GPR84: variants seen among roughly 807,000 people sequenced by gnomAD.
GPR84 encodes G-protein coupled receptor 84.
Under a neutral mutation model 14.9 loss-of-function variants are expected in GPR84, and 8 were observed. The observed-to-expected ratio is 0.54, with a 90% CI of 0.31 to 0.97. GPR84 has a LOEUF of 0.97. Ranked by LOEUF, GPR84 falls within the 50% of genes least tolerant of loss-of-function variation. The pLI is 0.04. For synonymous variants in GPR84, 164 were observed against 198.1 expected (o/e 0.83, Z 1.45); for missense variants, 424 against 498.7 (o/e 0.85, Z 1.43).
downstream of GPR84, among the ~76,000 whole-genome samples, chr12:54,361,648 G>A (rs1954270178): frequency 6.6e-6 from 1 of 152,152 alleles, no homozygotes; most frequent in Non-Finnish European, 1.5e-5. This position sits in a 1 kb window ranked among gnomAD's most constrained non-coding sequence, Gnocchi z 4.3. Flanking sequence ...TGGGATTACA[G>A]GCATGAGCCA....
At chr12:54,355,665 T>C in the GPR84 span, among the ~76,000 whole-genome samples, 1 of 151,392 alleles carries the variant, frequency 6.6e-6, no homozygotes, top group Non-Finnish European at 1.5e-5. Context: ...TCCTTGTATC[T>C]CCCCTTCCTC....
chr12:54,352,027 C>G, the GPR84 span, among the ~76,000 whole-genome samples: 4 of 152,130 alleles, frequency 2.6e-5, no homozygotes, highest in African/African-American at 9.7e-5. Flanking sequence ...TCTCCGTCCC[C>G]TCGCCTGGAA....
the GPR84 span, among the ~76,000 whole-genome samples, chr12:54,355,127 G>C: frequency 9.2e-5 from 14 of 152,124 alleles, no homozygotes; most frequent in Admixed American, 2.6e-4. Flanking sequence ...TTGAGAGACC[G>C]AGGCAGAGGC....
the GPR84 span, chr12:54,351,898 C>G: frequency 6.6e-6 from 1 of 152,294 alleles, no homozygotes; most frequent in African/African-American, 2.4e-5. Flanking sequence ...GGCAGCTACT[C>G]CTGTTCCTCC....
At chr12:54,353,383 C>T in the GPR84 span, among the ~76,000 whole-genome samples, 2 of 151,866 alleles carry the variant, frequency 1.3e-5, no homozygotes, top group Admixed American at 6.6e-5. Flanking sequence ...AAAGTGGCTA[C>T]AGCCTGAACA....
At chr12:54,351,736 ATAACGGGGCATATT>A in the GPR84 span, 1 of 152,234 alleles carries the variant, frequency 6.6e-6, no homozygotes, top group Non-Finnish European at 1.5e-5. Context: ...GGTGGGGCAG[ATAACGGGGCATATT>A]TAAGGGGGCA....
At chr12:54,353,640 C>G in the GPR84 span, 1 of 152,516 alleles carries the variant, frequency 6.6e-6, no homozygotes, top group East Asian at 1.9e-4. Flanking sequence ...TCCTCCCACT[C>G]CTACTCCAGA....
At position 54,363,197 on chromosome 12, in the gene GPR84, G is replaced by A. The variant is rs749998096; in HGVS notation, c.655C>T (p.Gln219Ter). 3 of 1,614,196 alleles carry A rather than the reference G, an allele frequency of 1.9e-6. No individual in the cohort carries two copies. The highest frequency in any genetic ancestry group is 2.5e-6 in the Non-Finnish European group (3 of 1,180,036). Residue 219 changes from glutamine to a stop codon, truncating the protein, a stop_gained, in exon 2 of 2, where the codon CAG becomes TAG. Transcript: ENST00000267015. LOFTEE classifies it low-confidence loss of function (END_TRUNC). ...AQALDQYKLR[Q>*]ASIHSNHVAR... is the part of the protein sequence containing the mutation. ...ACATGGTTGGAGTGGATGCTTGCCT[G>A]TCGCAACTTGTATTGGTCCAGTGCC...
rs1954285646 is a variant in GPR84, at chr12:54,362,855, T to C, written c.997A>G (p.Ile333Val). The C allele has an allele frequency of 1.9e-6, 3 of 1,614,088 alleles. No homozygotes were observed. The Admixed American group carries it at 5.0e-5, about 27-fold the overall frequency. The change falls in exon 2 of 2, where the codon ATC (isoleucine) becomes GTC (valine). Residue 333 changes from isoleucine to valine, a missense_variant. Physicochemically the swap from Ile to Val is conservative, Grantham distance 29 (BLOSUM62 3). Coordinates refer to ENST00000267015, the MANE Select transcript of GPR84 (RefSeq NM_020370.3). The surrounding 1 kb of genome is among the most constrained non-coding windows in gnomAD (Gnocchi z 4.0). ...AGAATGTTGAGCAGCAAGAAGGGGA[T>C]GTAGCTCAGGGCAAAGCAGAGGAAC... ...AVFLCFALSY[I>V]PFLLLNILDA...
the GPR84 span, chr12:54,353,876 AG>A: frequency 6.6e-6 from 1 of 152,182 alleles, no homozygotes; most frequent in Admixed American, 6.5e-5. Flanking sequence ...GAGGAGAAAA[AG>A]GTCTCTGAGA....
chr12:54,359,203 G>A (rs1396709291), downstream of GPR84, among the ~76,000 whole-genome samples: 2 of 152,160 alleles, frequency 1.3e-5, no homozygotes, highest in Non-Finnish European at 2.9e-5. Flanking sequence ...CCCCGCGGCT[G>A]CTGAGCCATA....
chr12:54,354,067 C>T, the GPR84 span, among the ~76,000 whole-genome samples: 2 of 152,066 alleles, frequency 1.3e-5, no homozygotes, highest in South Asian at 4.2e-4. Context: ...TAAGTCCGCA[C>T]CCTTCTCTCT....
At position 54,363,021 on chromosome 12, in the gene GPR84, C is replaced by T. The variant is rs755531799; in HGVS notation, c.831G>A (p.Gln277=). The part of the protein sequence containing the change: ...LEGDSSEVGD[Q]INSKRAKQMA... ...TCTGCTTAGCTCTCTTGCTGTTGAT[C>T]TGGTCTCCCACTTCTGATGAGTCCC... The change falls in exon 2 of 2, where the codon CAG becomes CAA. Residue 277 remains glutamine (Q), a synonymous_variant. Coordinates refer to ENST00000267015, the MANE Select transcript of GPR84 (RefSeq NM_020370.3). The T allele has an allele frequency of 6.9e-5, 111 of 1,614,094 alleles. No homozygotes were observed. In the Admixed American group the frequency reaches 1.8e-3, roughly 26 times the overall value.
chr12:54,359,153 G>A (rs989249908), downstream of GPR84, among the ~76,000 whole-genome samples: 2 of 151,998 alleles, frequency 1.3e-5, no homozygotes, highest in Admixed American at 6.6e-5. Flanking sequence ...GGAGGGGAGG[G>A]GCATCCTCAC....
chr12:54,358,545 T>C (rs1450211020), downstream of GPR84, among the ~76,000 whole-genome samples: 1 of 152,114 alleles, frequency 6.6e-6, no homozygotes, highest in Non-Finnish European at 1.5e-5. Flanking sequence ...CACCTCCCTA[T>C]TGCGCCTTTC....
downstream of GPR84, among the ~76,000 whole-genome samples, chr12:54,361,761 G>A (rs576259743): frequency 1.6e-4 from 25 of 152,308 alleles, no homozygotes; most frequent in Non-Finnish European, 2.9e-4. This position sits in a 1 kb window ranked among gnomAD's most constrained non-coding sequence, Gnocchi z 4.3. Flanking sequence ...GCCCACCTCC[G>A]CCTCCCAAAG....
downstream of GPR84, among the ~76,000 whole-genome samples, chr12:54,359,604 G>C (rs571890662): frequency 6.6e-6 from 1 of 152,252 alleles, no homozygotes; most frequent in African/African-American, 2.4e-5. Context: ...TCGGGCGAGA[G>C]ACTGACAGAG....
At chr12:54,361,185 C>CT (rs10630823), downstream of GPR84, among the ~76,000 whole-genome samples, 5,037 of 148,152 alleles carry the variant, frequency 0.034, 284 homozygotes, top group African/African-American at 0.12. The surrounding 1 kb of genome is among the most constrained non-coding windows in gnomAD (Gnocchi z 4.3). Flanking sequence ...TTTTTCTTTT[C>CT]TTTTTTTTTT....
At chr12:54,355,841 G>A in the GPR84 span, among the ~76,000 whole-genome samples, 1 of 152,118 alleles carries the variant, frequency 6.6e-6, no homozygotes, top group Admixed American at 6.5e-5. Context: ...CCGGATGCCG[G>A]GAGGCTGGAA....
Sources: allele counts gnomAD v4.1 joint callset (sites outside exome capture counted in the v4.1 genomes callset), GRCh38; gene constraint gnomAD v4.1.1; non-coding constraint Gnocchi (gnomAD v3.1); transcripts MANE v1.5; gene names NCBI Gene and HGNC (gene_info 2026-07-23, HGNC 2026-07-21).